Variants in ULK4 observed in about 807,000 individuals in gnomAD.
ULK4 encodes the protein unc-51 like kinase 4.
A neutral mutation model predicts 160.6 loss-of-function variants in ULK4; 133 were observed. That is an observed-to-expected ratio of 0.83 (90% CI 0.72 to 0.96). ULK4 has a LOEUF of 0.96. Among genes scored for constraint, ULK4 ranks in the 40% least tolerant of loss-of-function variants. ULK4 has a pLI of 0.00. For synonymous variants in ULK4, 534 were observed against 539.8 expected, an observed-to-expected ratio of 0.99 and a Z score of 0.15; for missense variants, 1,580 against 1,499.5, an observed-to-expected ratio of 1.05 and a Z score of -0.89.
chr3:41,448,139 T>C (rs1000466003), intron 34 of ULK4, among the ~76,000 whole-genome samples: 65 of 152,318 alleles, frequency 4.3e-4, no homozygotes, highest in African/African-American at 1.5e-3. Flanking sequence ...ATATGGCTCC[T>C]GCCTTCCTAG....
At chr3:41,731,351 C>T (rs2037814836) in intron 22 of ULK4, among the ~76,000 whole-genome samples, 1 of 151,698 alleles carries the variant, frequency 6.6e-6, no homozygotes, top group Admixed American at 6.6e-5. Flanking sequence ...CAATAGCAAA[C>T]TATCTGAAAA....
intron 31 of ULK4, among the ~76,000 whole-genome samples, chr3:41,573,243 C>T (rs1229411859): frequency 6.6e-6 from 1 of 152,170 alleles, no homozygotes; most frequent in African/African-American, 2.4e-5. Context: ...GAGCACTGGA[C>T]CCTGAAGAAT....
At chr3:41,472,046 C>A (rs990377049) in intron 32 of ULK4, among the ~76,000 whole-genome samples, 1 of 148,096 alleles carries the variant, frequency 6.8e-6, no homozygotes, top group Non-Finnish European at 1.5e-5. Context: ...CTAAAATAAA[C>A]TAAAACTTGT....
At chr3:41,338,106 T>C (rs146518550) in intron 35 of ULK4, among the ~76,000 whole-genome samples, 5 of 152,366 alleles carry the variant, frequency 3.3e-5, no homozygotes, top group Non-Finnish European at 7.3e-5. Context: ...AGAGAGCCTT[T>C]CAGAGAGACA....
chr3:41,835,792 G>C, intron 18 of ULK4, 72 bp downstream of exon 18: 1 of 1,154,446 alleles, frequency 8.7e-7, no homozygotes, highest in South Asian at 1.5e-5. Context: ...ACTTTTATAG[G>C]ATATTAATAC....
chr3:41,923,657 T>C (rs1285040236), intron 5 of ULK4, among the ~76,000 whole-genome samples: 2 of 152,192 alleles, frequency 1.3e-5, no homozygotes, highest in African/African-American at 2.4e-5. Context: ...CTTCAAGTAG[T>C]TGGAGGCCTT....
intron 32 of ULK4, among the ~76,000 whole-genome samples, chr3:41,471,557 C>T (rs1208795024): frequency 2.0e-5 from 3 of 152,126 alleles, no homozygotes; most frequent in Admixed American, 1.3e-4. Flanking sequence ...TTCTCAAGCA[C>T]ACATGGAACA....
intron 34 of ULK4, among the ~76,000 whole-genome samples, chr3:41,424,291 G>T (rs373333367): frequency 6.6e-6 from 1 of 152,216 alleles, no homozygotes; most frequent in African/African-American, 2.4e-5. Context: ...AGCCCCTGGG[G>T]GGAGGGGCAG....
intron 31 of ULK4, among the ~76,000 whole-genome samples, chr3:41,581,326 AAC>A (rs1575445418): frequency 1.3e-5 from 2 of 152,162 alleles, no homozygotes; most frequent in East Asian, 3.9e-4. Flanking sequence ...GAATGGAAAA[AAC>A]AGAGGACCCA....
intron 18 of ULK4, among the ~76,000 whole-genome samples, chr3:41,820,360 C>G (rs1400035472): frequency 6.6e-6 from 1 of 152,114 alleles, no homozygotes; most frequent in African/African-American, 2.4e-5. Flanking sequence ...CACACACACA[C>G]TCATATATTC....
chr3:41,888,617 T>C (rs1432381929), intron 16 of ULK4, among the ~76,000 whole-genome samples: 1 of 152,206 alleles, frequency 6.6e-6, no homozygotes, highest in African/African-American at 2.4e-5. Flanking sequence ...CTCTTTTCCA[T>C]CACCCTTCCT....
At chr3:41,277,698 G>A (rs1190483060) in intron 35 of ULK4, 2 of 152,118 alleles carry the variant, frequency 1.3e-5, no homozygotes, top group Non-Finnish European at 2.9e-5. Context: ...AAGACAAGGA[G>A]GCCCACTCTC....
At chr3:41,728,195 G>A (rs2037713584) in intron 22 of ULK4, among the ~76,000 whole-genome samples, 1 of 152,142 alleles carries the variant, frequency 6.6e-6, no homozygotes, top group South Asian at 2.1e-4. Context: ...CAATTGTCTT[G>A]GTCCATCTGT....
chr3:41,358,860 TG>T (rs1444135532), intron 35 of ULK4, among the ~76,000 whole-genome samples: 1 of 150,708 alleles, frequency 6.6e-6, no homozygotes, highest in African/African-American at 2.4e-5. Context: ...TGAACTGGGG[TG>T]GGGGTGAGGG....
At chr3:41,347,646 C>T (rs755277529) in intron 35 of ULK4, among the ~76,000 whole-genome samples, 59 of 152,092 alleles carry the variant, frequency 3.9e-4, no homozygotes, top group Admixed American at 6.6e-4. Flanking sequence ...TCTGCATGAT[C>T]AAATCGTGCA....
intron 32 of ULK4, among the ~76,000 whole-genome samples, chr3:41,554,162 A>G (rs1691992): frequency 0.51 from 77,653 of 151,976 alleles, 19,964 homozygotes; most frequent in Middle Eastern, 0.57. Context: ...TGATCCAGCA[A>G]TCCCACTACT....
At chr3:41,401,665 G>A (rs1472965568) in intron 34 of ULK4, among the ~76,000 whole-genome samples, 1 of 152,156 alleles carries the variant, frequency 6.6e-6, no homozygotes, top group Non-Finnish European at 1.5e-5. Context: ...TCCTCTGTGT[G>A]TGCATGGTAA....
At chr3:41,469,689 C>A (rs1240058905) in intron 32 of ULK4, among the ~76,000 whole-genome samples, 1 of 138,280 alleles carries the variant, frequency 7.2e-6, no homozygotes, top group Non-Finnish European at 1.5e-5. Flanking sequence ...TGCAAGAACA[C>A]AAGAATTACA....
At chr3:41,793,295 AGAATTT>A (rs1257078108) in intron 20 of ULK4, among the ~76,000 whole-genome samples, 1 of 152,238 alleles carries the variant, frequency 6.6e-6, no homozygotes, top group Non-Finnish European at 1.5e-5. Context: ...TGTTACCTCC[AGAATTT>A]GAATTTTCTT....
Sources: allele counts gnomAD v4.1 joint callset (sites outside exome capture counted in the v4.1 genomes callset), GRCh38; gene constraint gnomAD v4.1.1; transcripts MANE v1.5; gene names NCBI Gene and HGNC (gene_info 2026-07-23, HGNC 2026-07-21).